Variants in TMEM9B observed in about 807,000 individuals in gnomAD.
TMEM9B encodes TMEM9 domain family member B.
A neutral mutation model predicts 23.5 loss-of-function variants in TMEM9B; 8 were observed. That is an observed-to-expected ratio of 0.34 (90% CI 0.20 to 0.61). The LOEUF (loss-of-function observed/expected upper bound fraction) is 0.61. TMEM9B is among the 20% of genes least tolerant of loss of function. The pLI, the probability that TMEM9B is intolerant of heterozygous loss-of-function variation, is 0.78. For synonymous variants in TMEM9B, 106 were observed against 96.3 expected (o/e 1.10, Z -0.59); for missense variants, 197 against 252.3 (o/e 0.78, Z 1.49).
intron 1 of TMEM9B, among the ~76,000 whole-genome samples, chr11:8,963,604 A>C (rs910948783): frequency 2.0e-5 from 3 of 152,228 alleles, no homozygotes; most frequent in Admixed American, 6.5e-5. Context: ...AAAGGCACCA[A>C]GGGACTCGTG....
chr11:8,957,246 G>A lies in TMEM9B; in HGVS notation c.198-948C>T, dbSNP rs114286608. 2.4e-3 allele frequency among the ~76,000 whole-genome samples: 371 copies of A among 152,310 alleles called. No homozygotes were observed. Among genetic ancestry groups the A allele is most frequent in the African/African-American group, 8.8e-3 (365 of 41,552 alleles). On this transcript the variant is annotated intron_variant, in intron 2 of 4. Transcript: ENST00000534025. The surrounding 1 kb of genome is among the most constrained non-coding windows in gnomAD (Gnocchi z 4.3). The stretch of plus-strand genomic sequence containing the variant: ...ACTAAATAAAAACTAACAAAGGGAT[G>A]AGTGTTTTTGTTGAATGTTACTTAT...
chr11:8,954,449 T>C (rs1285379778), intron 3 of TMEM9B, among the ~76,000 whole-genome samples: 1 of 152,016 alleles, frequency 6.6e-6, no homozygotes, highest in Non-Finnish European at 1.5e-5. Flanking sequence ...CCACCACACC[T>C]GGCTAATTTT....
At chr11:8,964,096 C>A in intron 1 of TMEM9B, 113 bp downstream of exon 1, 1 of 1,066,132 alleles carries the variant, frequency 9.4e-7, no homozygotes. Flanking sequence ...AGCTGTGAGG[C>A]CAGGCGTATG....
chr11:8,952,279 C>CAT lies in TMEM9B; in HGVS notation c.441+923_441+924insAT, dbSNP rs371219457. On this transcript the variant is annotated intron_variant, in intron 4 of 4. Coordinates refer to ENST00000534025, the MANE Select transcript of TMEM9B (RefSeq NM_020644.3). ...ACACACACACACACACACACACACA[C>CAT]GCTATATATATATATATATAAACAT... Among the ~76,000 whole-genome samples the CAT allele has an allele frequency of 4.6e-4, 58 of 126,140 alleles. 1 individual carries two copies. Among genetic ancestry groups the CAT allele is most frequent in the African/African-American group, 1.3e-3 (46 of 35,540 alleles). 82.8% of individuals were successfully genotyped at this position (126,140 alleles called of 152,430 possible).
chr11:8,963,028 G>A (rs1265082122), intron 1 of TMEM9B, among the ~76,000 whole-genome samples: 2 of 152,214 alleles, frequency 1.3e-5, no homozygotes, highest in Non-Finnish European at 2.9e-5. Context: ...CATTTGCTCT[G>A]TGTTAGATCT....
At chr11:8,953,466 A>G (rs1190035056) in intron 3 of TMEM9B, 129 bp from the exon 4 acceptor site, 2 of 879,270 alleles carry the variant, frequency 2.3e-6, no homozygotes, top group African/African-American at 3.4e-5. Flanking sequence ...AGATAGCAAT[A>G]TAAGAAATAA....
At chr11:8,964,093 A>G in intron 1 of TMEM9B, 116 bp downstream of exon 1, 1 of 1,021,540 alleles carries the variant, frequency 9.8e-7, no homozygotes, top group Admixed American at 2.8e-5. Context: ...CGGAGCTGTG[A>G]GGCCAGGCGT....
chr11:8,953,447 A>G (rs1853919475), intron 3 of TMEM9B, 110 bp from the exon 4 acceptor site: 2 of 1,051,782 alleles, frequency 1.9e-6, no homozygotes, highest in African/African-American at 1.6e-5. Context: ...TAGGATTTCT[A>G]TACAAACCAG....
In TMEM9B at chr11:8,964,285, CGAA is replaced by C; in HGVS notation, c.26_28del (p.Leu9del). On this transcript the variant is annotated inframe_deletion, in exon 1 of 5. Coordinates refer to ENST00000534025, the MANE Select transcript of TMEM9B (RefSeq NM_020644.3). ...CGACAGGCTGAGCAAGGAGCCAAGC[CGAA>C]GAAGGCCTCCCCACAGGGTCGCCAT... 1 of 1,592,122 alleles carries C rather than the reference CGAA, an allele frequency of 6.3e-7. No individual in the cohort carries two copies. Among genetic ancestry groups the C allele is most frequent in the Non-Finnish European group, 8.5e-7 (1 of 1,170,076 alleles).
In TMEM9B at chr11:8,957,754, A is replaced by C. The variant is rs1853999965; in HGVS notation, c.198-1456T>G. On this transcript the variant is annotated intron_variant, in intron 2 of 4. Transcript: ENST00000534025. The surrounding 1 kb of genome is among the most constrained non-coding windows in gnomAD (Gnocchi z 4.3). ...GATTTTGAATATTTTCAACACAAAG[A>C]AATGATAAATGTCTGAGATGCTAAA... 6.6e-6 allele frequency among the ~76,000 whole-genome samples: 1 copy of C among 152,220 alleles called. No homozygotes were observed. Among genetic ancestry groups the C allele is most frequent in the Admixed American group, 6.5e-5 (1 of 15,286 alleles).
rs74983430 is a variant in TMEM9B at position 8,950,269 on chromosome 11, G to A, written c.442-1794C>T. Among the ~76,000 whole-genome samples the A allele has an allele frequency of 2.6e-5, 4 of 152,288 alleles. No individual in the cohort carries two copies. The East Asian group carries it at 7.7e-4, about 29-fold the overall frequency. On this transcript the variant is annotated intron_variant, in intron 4 of 4. Coordinates refer to ENST00000534025, the MANE Select transcript of TMEM9B (RefSeq NM_020644.3). ...TTAGCCTGCCTAACCCTGACTTGGTGTTATATTGTCTCAAAACAGATTTTG... is the reference window on the plus strand; with the variant it reads ...TTAGCCTGCCTAACCCTGACTTGGTATTATATTGTCTCAAAACAGATTTTG...
At position 8,964,200 on chromosome 11, in the gene TMEM9B, G is replaced by C; in HGVS notation, c.105+9C>G. On this transcript the variant is annotated intron_variant, in intron 1 of 4. Transcript: ENST00000534025. The stretch of plus-strand genomic sequence containing the variant: ...GCTTCCGTCAGGAGCGAGGCTGGGC[G>C]GGACTCACCTTGGCGGCGTCTGACA... 3 of 1,566,514 alleles carry C rather than the reference G, an allele frequency of 1.9e-6. No homozygotes were observed. Among genetic ancestry groups the C allele is most frequent in the Non-Finnish European group, 2.6e-6 (3 of 1,156,308 alleles).
intron 2 of TMEM9B, among the ~76,000 whole-genome samples, chr11:8,956,502 A>T (rs1403841978): frequency 6.6e-6 from 1 of 152,170 alleles, no homozygotes; most frequent in East Asian, 1.9e-4. Flanking sequence ...GAAGCCACAA[A>T]GTCACACATA....
chr11:8,952,249 TACACACACACACAC>T (rs142506777), intron 4 of TMEM9B, among the ~76,000 whole-genome samples: 3 of 122,648 alleles, frequency 2.4e-5, no homozygotes, highest in East Asian at 4.9e-4. Context: ...GCCAACTATA[TACACACACACACAC>T]ACACACACAC....
At chr11:8,962,031 G>T in intron 2 of TMEM9B, 61 bp downstream of exon 2, 1 of 1,060,846 alleles carries the variant, frequency 9.4e-7, no homozygotes. Flanking sequence ...GAACATTCTG[G>T]GATAACACTG....
At chr11:8,956,706 T>A (rs986063579) in intron 2 of TMEM9B, among the ~76,000 whole-genome samples, 2 of 152,210 alleles carry the variant, frequency 1.3e-5, no homozygotes, top group African/African-American at 2.4e-5. Flanking sequence ...TTTTGTGAAT[T>A]AACATCATTC....
intron 4 of TMEM9B, among the ~76,000 whole-genome samples, chr11:8,951,235 A>G (rs1042176245): frequency 6.6e-6 from 1 of 152,166 alleles, no homozygotes; most frequent in Non-Finnish European, 1.5e-5. Flanking sequence ...GCTGTAAAGG[A>G]AGGATGTCGT....
At chr11:8,956,406 G>A in intron 2 of TMEM9B, 108 bp from the exon 3 acceptor site, 1 of 734,250 alleles carries the variant, frequency 1.4e-6, no homozygotes, top group Non-Finnish European at 2.2e-6. Flanking sequence ...CCCAATGAAA[G>A]AGCATAAAAA....
intron 3 of TMEM9B, among the ~76,000 whole-genome samples, chr11:8,955,169 G>A (rs925875151): frequency 2.5e-5 from 3 of 122,214 alleles, no homozygotes. Context: ...AAAAAAATTG[G>A]AAGAAAAACC....
Sources: gnomAD v4.1 joint callset for allele counts (sites outside exome capture counted in the v4.1 genomes callset) on GRCh38, gnomAD v4.1.1 for gene constraint, Gnocchi (gnomAD v3.1) non-coding constraint, MANE v1.5 for transcripts, NCBI Gene and HGNC (gene_info 2026-07-23, HGNC 2026-07-21) for gene names.